The following HERC4 variants were observed in gnomAD, a reference collection of about 807,000 sequenced individuals.
HERC4 encodes probable E3 ubiquitin-protein ligase HERC4.
Under a neutral mutation model 124.3 loss-of-function variants are expected in HERC4, and 28 were observed. That is an observed-to-expected ratio of 0.23 (90% CI 0.17 to 0.31). HERC4 has a LOEUF of 0.31. Ranked by LOEUF, HERC4 falls within the 10% of genes least tolerant of loss-of-function variation. The probability of loss-of-function intolerance (pLI) is 1.00; values close to 1 mark genes in which losing one functional copy is unlikely to be tolerated. For synonymous variants in HERC4, 407 were observed against 421.5 expected (o/e 0.97, Z 0.42); for missense variants, 713 against 1,229.3 (o/e 0.58, Z 6.28).
At chr10:67,996,711 G>A (rs562440943) in intron 9 of HERC4, among the ~76,000 whole-genome samples, 2 of 152,060 alleles carry the variant, frequency 1.3e-5, no homozygotes, top group Non-Finnish European at 2.9e-5. Flanking sequence ...CTGGCCAGGC[G>A]CGGTGGCTCA....
intron 8 of HERC4, among the ~76,000 whole-genome samples, chr10:68,017,061 C>T (rs1374802968): frequency 5.3e-5 from 8 of 152,036 alleles, no homozygotes; most frequent in Admixed American, 4.6e-4. Context: ...ATTCCCCATA[C>T]CTTAACTTTA....
intron 15 of HERC4, among the ~76,000 whole-genome samples, chr10:67,970,095 A>G (rs1339511822): frequency 6.6e-6 from 1 of 152,216 alleles, no homozygotes; most frequent in East Asian, 1.9e-4. Flanking sequence ...GAGGCCTCAA[A>G]TTCCTCTAGC....
chr10:68,065,311 G>A (rs1237592404), intron 3 of HERC4, among the ~76,000 whole-genome samples: 2 of 151,996 alleles, frequency 1.3e-5, no homozygotes, highest in Non-Finnish European at 2.9e-5. Context: ...CTAAAAATAT[G>A]TTATTTCAGA....
intron 24 of HERC4, among the ~76,000 whole-genome samples, chr10:67,924,711 G>A (rs2030676684): frequency 6.6e-6 from 1 of 152,152 alleles, no homozygotes; most frequent in South Asian, 2.1e-4. Flanking sequence ...TACTGGATTT[G>A]GGTATCCTTG....
chr10:68,014,515 C>T (rs1489769712), intron 8 of HERC4, among the ~76,000 whole-genome samples: 4 of 152,068 alleles, frequency 2.6e-5, no homozygotes, highest in African/African-American at 7.3e-5. Context: ...AGGAAGTCCC[C>T]ACTACTCCCC....
rs1564547990 is a variant in HERC4, at chr10:68,014,151, C to T, written c.944G>A (p.Arg315Gln). 1.9e-6 allele frequency: 3 copies of T among 1,612,730 alleles called. No individual in the cohort carries two copies. In the South Asian group the frequency reaches 3.3e-5, roughly 18 times the overall value. ...ACCACCAAGCCCAAAAGAGTAAATTCGTCCTGATGAAGGAACAAAAGCAGA... is the reference window on the plus strand; with the variant it reads ...ACCACCAAGCCCAAAAGAGTAAATTTGTCCTGATGAAGGAACAAAAGCAGA... ...HTSAFVPSSG[R>Q]IYSFGLGGNG... Residue 315 changes from arginine to glutamine, a missense_variant, in exon 9 of 25, where the codon CGA (arginine) becomes CAA (glutamine). Arg to Gln is a conservative substitution (Grantham distance 43). Transcript: ENST00000373700.
chr10:68,055,152 T>G (rs1190686678), intron 3 of HERC4, among the ~76,000 whole-genome samples: 1 of 152,142 alleles, frequency 6.6e-6, no homozygotes, highest in Admixed American at 6.5e-5. Context: ...AACTGATACT[T>G]TTAAAAGGAT....
chr10:67,967,257 C>T (rs1397256591), intron 15 of HERC4, among the ~76,000 whole-genome samples: 1 of 152,116 alleles, frequency 6.6e-6, no homozygotes, highest in Non-Finnish European at 1.5e-5. Flanking sequence ...CTACTATATG[C>T]AAAATGCTAG....
At chr10:68,005,222 T>C (rs1403885861) in intron 9 of HERC4, among the ~76,000 whole-genome samples, 1 of 152,236 alleles carries the variant, frequency 6.6e-6, no homozygotes, top group Non-Finnish European at 1.5e-5. Context: ...GGTTTTCTAG[T>C]GTTGGGTGCA....
intron 15 of HERC4, among the ~76,000 whole-genome samples, chr10:67,972,400 A>G (rs1339110665): frequency 1.3e-5 from 2 of 151,534 alleles, no homozygotes; most frequent in Admixed American, 6.6e-5. Flanking sequence ...GCATGCCTGT[A>G]ATCCCAGCTA....
At chr10:68,037,246 C>T (rs570564791) in intron 5 of HERC4, among the ~76,000 whole-genome samples, 2 of 152,098 alleles carry the variant, frequency 1.3e-5, no homozygotes, top group East Asian at 3.9e-4. Flanking sequence ...AGGTGTGTGC[C>T]ACCACACCCA....
At chr10:67,975,398 A>T (rs989264606) in intron 15 of HERC4, among the ~76,000 whole-genome samples, 2 of 152,074 alleles carry the variant, frequency 1.3e-5, no homozygotes, top group African/African-American at 2.4e-5. Flanking sequence ...TAACTCATGC[A>T]TTCTATTTTT....
intron 15 of HERC4, among the ~76,000 whole-genome samples, chr10:67,985,318 G>A (rs2036197485): frequency 6.6e-6 from 1 of 152,176 alleles, no homozygotes; most frequent in African/African-American, 2.4e-5. Flanking sequence ...TAAGCACATA[G>A]TAGGCACTCT....
In HERC4 at chr10:67,972,422, G is replaced by A. The variant is rs549498109; in HGVS notation, c.1807-5620C>T. ...TGTAATCCCAGCTACTCGGGAGGCT[G>A]AGACAGAAGAATCGCTTGAATCCGG... On this transcript the variant is annotated intron_variant, in intron 15 of 24. Transcript: ENST00000373700. Among the ~76,000 whole-genome samples the A allele has an allele frequency of 6.6e-5, 10 of 150,584 alleles. No individual in the cohort carries two copies. In the South Asian group the frequency reaches 1.7e-3, roughly 25 times the overall value.
intron 3 of HERC4, chr10:68,070,138 A>C: frequency 4.1e-6 from 4 of 984,928 alleles, no homozygotes; most frequent in Non-Finnish European, 4.8e-6. Context: ...TTGCTCAATT[A>C]CCAGAAGACT....
chr10:67,979,780 CA>C (rs993165843), intron 15 of HERC4, among the ~76,000 whole-genome samples: 1 of 151,754 alleles, frequency 6.6e-6, no homozygotes. Context: ...ACTAAAAATA[CA>C]AAAAAATTAG....
chr10:68,003,538 T>C (rs1175225177), intron 9 of HERC4, among the ~76,000 whole-genome samples: 1 of 152,014 alleles, frequency 6.6e-6, no homozygotes, highest in Non-Finnish European at 1.5e-5. Flanking sequence ...CAGCCTCTGG[T>C]AACTATCATT....
intron 9 of HERC4, among the ~76,000 whole-genome samples, chr10:68,007,145 G>C (rs1259309096): frequency 6.6e-6 from 1 of 151,918 alleles, no homozygotes; most frequent in African/African-American, 2.4e-5. Context: ...TAGATCCTGT[G>C]GGAGTATTTC....
chr10:68,038,636 T>C (rs2039599780), intron 4 of HERC4, among the ~76,000 whole-genome samples: 1 of 152,230 alleles, frequency 6.6e-6, no homozygotes, highest in Admixed American at 6.5e-5. Context: ...ACAGGGATTC[T>C]TGTATGTTCT....
Sources: allele counts gnomAD v4.1 joint callset (sites outside exome capture counted in the v4.1 genomes callset), GRCh38; gene constraint gnomAD v4.1.1; transcripts MANE v1.5; gene names NCBI Gene and HGNC (gene_info 2026-07-23, HGNC 2026-07-21).